Variants in DLGAP2 observed in about 807,000 individuals in gnomAD.
DLGAP2 encodes DLG associated protein 2, also known as disks large-associated protein 2.
Under a neutral mutation model 100.3 loss-of-function variants are expected in DLGAP2, and 26 were observed. That is an observed-to-expected ratio of 0.26 (90% CI 0.19 to 0.36). The LOEUF is 0.36. Ranked by LOEUF, DLGAP2 falls within the 10% of genes least tolerant of loss-of-function variation. The probability of loss-of-function intolerance (pLI) is 1.00; values close to 1 mark genes in which losing one functional copy is unlikely to be tolerated. For missense variants in DLGAP2, 1,858 were observed against 1,453.2 expected (o/e 1.28, Z -4.53); for synonymous variants, 886 against 630.1 (o/e 1.41, Z -6.08).
At chr8:1,317,717 G>T (rs1390847474) in intron 3 of DLGAP2, among the ~76,000 whole-genome samples, 8 of 90,474 alleles carry the variant, frequency 8.8e-5, no homozygotes, top group African/African-American at 2.1e-4. Flanking sequence ...GAGAAACTCG[G>T]CAGCTTTTAA....
In DLGAP2 at chr8:1,654,547, G is replaced by A. The variant is rs183928203; in HGVS notation, c.1811-13782G>A. ...ATGGTGGCAAGCGCCTGTACTCCCA[G>A]CTACTCGGGAGACTGAGGCAGGAGA... On this transcript the variant is annotated intron_variant, in intron 8 of 14. Coordinates refer to ENST00000637795, the MANE Select transcript of DLGAP2 (RefSeq NM_001346810.2). 7.2e-5 allele frequency among the ~76,000 whole-genome samples: 11 copies of A among 152,080 alleles called. No individual in the cohort carries two copies. The East Asian group carries it at 1.7e-3, about 24-fold the overall frequency.
At chr8:746,106 G>A (rs1002875941) in intron 1 of DLGAP2, among the ~76,000 whole-genome samples, 5 of 152,178 alleles carry the variant, frequency 3.3e-5, no homozygotes, top group African/African-American at 1.2e-4. Context: ...CAGGAAGGCC[G>A]GGGGTGCGTC....
intron 2 of DLGAP2, among the ~76,000 whole-genome samples, chr8:1,030,882 G>T (rs963036909): frequency 6.6e-6 from 1 of 152,218 alleles, no homozygotes; most frequent in Non-Finnish European, 1.5e-5. Context: ...TTCTCAGACC[G>T]CAGCCACCAG....
chr8:755,771 G>T (rs1400187816), intron 1 of DLGAP2, among the ~76,000 whole-genome samples: 1 of 152,236 alleles, frequency 6.6e-6, no homozygotes, highest in Non-Finnish European at 1.5e-5. Context: ...CGTCCTCTGG[G>T]TGATGCCCCC....
intron 2 of DLGAP2, among the ~76,000 whole-genome samples, chr8:1,130,237 T>C (rs1465772094): frequency 6.6e-6 from 1 of 152,170 alleles, no homozygotes; most frequent in Non-Finnish European, 1.5e-5. Flanking sequence ...CTGGCCTCTT[T>C]AGATTTGAAA....
chr8:1,273,125 G>A (rs938947995), intron 3 of DLGAP2, among the ~76,000 whole-genome samples: 1 of 152,202 alleles, frequency 6.6e-6, no homozygotes, highest in African/African-American at 2.4e-5. Context: ...GTAAATAGTA[G>A]CTGTGGATAG....
At chr8:741,556 C>A (rs957613727) in intron 1 of DLGAP2, among the ~76,000 whole-genome samples, 9 of 152,172 alleles carry the variant, frequency 5.9e-5, no homozygotes, top group African/African-American at 1.9e-4. Context: ...GACTTGATGG[C>A]AGTGTCTTCA....
intron 3 of DLGAP2, among the ~76,000 whole-genome samples, chr8:1,314,648 G>A (rs930319032): frequency 1.3e-5 from 2 of 152,202 alleles, no homozygotes; most frequent in Non-Finnish European, 2.9e-5. Context: ...CCATGGTCTG[G>A]TGTAAGGAGG....
intron 3 of DLGAP2, among the ~76,000 whole-genome samples, chr8:1,420,118 G>A (rs1313381296): frequency 6.6e-6 from 1 of 152,138 alleles, no homozygotes; most frequent in Non-Finnish European, 1.5e-5. Flanking sequence ...GGAGGTCTGG[G>A]GTCGGGAGGG....
chr8:1,059,001 T>C (rs1298590708), intron 2 of DLGAP2, among the ~76,000 whole-genome samples: 1 of 152,200 alleles, frequency 6.6e-6, no homozygotes, highest in Non-Finnish European at 1.5e-5. Context: ...GGGCTGGATG[T>C]TGGCCATAGC....
At chr8:1,311,771 T>G (rs1275173501) in intron 3 of DLGAP2, among the ~76,000 whole-genome samples, 1 of 151,890 alleles carries the variant, frequency 6.6e-6, no homozygotes, top group African/African-American at 2.4e-5. Context: ...AGGGCATTTA[T>G]GAAAAGCCAC....
At chr8:1,091,830 G>A (rs748240265) in intron 2 of DLGAP2, among the ~76,000 whole-genome samples, 5 of 144,820 alleles carry the variant, frequency 3.5e-5, no homozygotes, top group South Asian at 4.4e-4. Context: ...TCCTGCCCTC[G>A]CCATCCCCAC....
intron 1 of DLGAP2, among the ~76,000 whole-genome samples, chr8:787,491 C>T (rs1821901981): frequency 6.6e-6 from 1 of 152,218 alleles, no homozygotes; most frequent in Non-Finnish European, 1.5e-5. Flanking sequence ...GAAGGATGGT[C>T]CTGTGATGGG....
At chr8:1,113,229 G>C (rs909672802) in intron 2 of DLGAP2, among the ~76,000 whole-genome samples, 1 of 152,016 alleles carries the variant, frequency 6.6e-6, no homozygotes, top group African/African-American at 2.4e-5. Context: ...TTTTTTTCTA[G>C]TTCTGTAAAG....
chr8:1,287,167 C>CGT (rs1563061979), intron 3 of DLGAP2, among the ~76,000 whole-genome samples: 3 of 113,078 alleles, frequency 2.7e-5, no homozygotes, highest in African/African-American at 3.8e-5. Context: ...TGCGCGCGCG[C>CGT]GCGTGGTTCT....
At chr8:1,142,745 T>G (rs1796543302) in intron 2 of DLGAP2, among the ~76,000 whole-genome samples, 1 of 152,050 alleles carries the variant, frequency 6.6e-6, no homozygotes, top group Non-Finnish European at 1.5e-5. Flanking sequence ...GTCAGGACAG[T>G]TCTAGGCATG....
At chr8:1,264,967 A>G (rs1161899461) in intron 3 of DLGAP2, among the ~76,000 whole-genome samples, 2 of 152,204 alleles carry the variant, frequency 1.3e-5, no homozygotes, top group African/African-American at 2.4e-5. Flanking sequence ...CTGCCATGTA[A>G]GACATGCCGT....
At chr8:1,310,732 G>A (rs970817459) in intron 3 of DLGAP2, among the ~76,000 whole-genome samples, 25 of 151,976 alleles carry the variant, frequency 1.6e-4, no homozygotes, top group African/African-American at 4.8e-4. Context: ...TTCTCGGCTC[G>A]CTGCAACCTC....
At chr8:946,123 G>C (rs577663448) in intron 2 of DLGAP2, among the ~76,000 whole-genome samples, 1 of 152,178 alleles carries the variant, frequency 6.6e-6, no homozygotes, top group African/African-American at 2.4e-5. Flanking sequence ...GGAAGGCTCT[G>C]GGAAGCTGCG....
Sources: gnomAD v4.1 joint callset for allele counts (sites outside exome capture counted in the v4.1 genomes callset) on GRCh38, gnomAD v4.1.1 for gene constraint, MANE v1.5 for transcripts, NCBI Gene and HGNC (gene_info 2026-07-23, HGNC 2026-07-21) for gene names.